The following CNTNAP4 variants were observed in gnomAD, a reference collection of about 807,000 sequenced individuals.
CNTNAP4 encodes contactin-associated protein-like 4.
In CNTNAP4, 98 loss-of-function variants were observed where a neutral mutation model predicts 148.4. The ratio of observed to expected loss-of-function variants is 0.66; its 90% CI spans 0.56 to 0.78. CNTNAP4 has a LOEUF of 0.78. Ranked by LOEUF, CNTNAP4 falls within the 30% of genes least tolerant of loss-of-function variation. The pLI is 0.00. For synonymous variants in CNTNAP4, 730 were observed against 565.1 expected (o/e 1.29, Z -4.14); for missense variants, 1,935 against 1,565.6 (o/e 1.24, Z -3.98).
intron 2 of CNTNAP4, among the ~76,000 whole-genome samples, chr16:76,337,309 A>G (rs1001216462): frequency 1.3e-5 from 2 of 152,056 alleles, no homozygotes; most frequent in South Asian, 2.1e-4. Flanking sequence ...GTTCTTTTCT[A>G]TTTTCCCTAA....
At chr16:76,445,705 C>T (rs955314340) in intron 4 of CNTNAP4, among the ~76,000 whole-genome samples, 4 of 151,996 alleles carry the variant, frequency 2.6e-5, no homozygotes, top group Non-Finnish European at 4.4e-5. Context: ...AAAAAAAGTA[C>T]TAGTAGCTAA....
At chr16:76,300,402 G>T (rs188761481) in intron 1 of CNTNAP4, among the ~76,000 whole-genome samples, 2 of 152,194 alleles carry the variant, frequency 1.3e-5, no homozygotes, top group African/African-American at 4.8e-5. Context: ...GGCCTGTCGG[G>T]GTTGGGGTCT....
chr16:76,472,024 T>C (rs2081395006), intron 10 of CNTNAP4, among the ~76,000 whole-genome samples: 1 of 152,154 alleles, frequency 6.6e-6, no homozygotes, highest in African/African-American at 2.4e-5. Context: ...ATCAAAATCT[T>C]ACTATCACTT....
intron 19 of CNTNAP4, among the ~76,000 whole-genome samples, chr16:76,539,393 C>T (rs2084352935): frequency 1.3e-5 from 2 of 151,810 alleles, no homozygotes; most frequent in South Asian, 4.2e-4. Flanking sequence ...CAATATTAAG[C>T]AATAGGTTGG....
At chr16:76,410,697 A>T (rs182445466) in intron 3 of CNTNAP4, among the ~76,000 whole-genome samples, 2 of 151,808 alleles carry the variant, frequency 1.3e-5, no homozygotes, top group Admixed American at 1.3e-4. Context: ...TGAAACTTTA[A>T]TTATGTGACT....
intron 21 of CNTNAP4, among the ~76,000 whole-genome samples, chr16:76,546,525 A>G (rs1312551893): frequency 1.3e-5 from 2 of 152,142 alleles, no homozygotes; most frequent in Non-Finnish European, 2.9e-5. Context: ...ACCAACTCCC[A>G]TCACCCCCAG....
At chr16:76,321,837 A>C (rs1314024563) in intron 2 of CNTNAP4, among the ~76,000 whole-genome samples, 2 of 151,610 alleles carry the variant, frequency 1.3e-5, no homozygotes, top group Non-Finnish European at 2.9e-5. Context: ...TTAAAATGAT[A>C]GTATTAATAT....
intron 4 of CNTNAP4, among the ~76,000 whole-genome samples, chr16:76,440,041 T>C (rs201584865): frequency 4.4e-5 from 1 of 22,652 alleles, no homozygotes; most frequent in East Asian, 1.1e-3. Flanking sequence ...GGACCTCTGT[T>C]TGTTTAGTAA....
rs1267296357 is a variant in CNTNAP4, at chr16:76,508,997, C to T, written c.2365+10303C>T. Among the ~76,000 whole-genome samples the T allele has an allele frequency of 9.4e-5, 9 of 96,128 alleles. 1 individual carries two copies. The highest frequency in any genetic ancestry group is 2.3e-4 in the African/African-American group (9 of 38,366). 63.1% of individuals were successfully genotyped at this position (96,128 alleles called of 152,430 possible). On this transcript the variant is annotated intron_variant, in intron 15 of 23. Transcript: ENST00000611870. ...CGATCTCCTGACCTTGTGATCCACC[C>T]GCCTTGGCCTCCCAAAGTGCTGGGA...
chr16:76,318,098 C>G (rs1017974491), intron 2 of CNTNAP4, among the ~76,000 whole-genome samples: 3 of 152,128 alleles, frequency 2.0e-5, no homozygotes, highest in Non-Finnish European at 2.9e-5. Context: ...ATGGCCATTC[C>G]AGGCCCTGTA....
intron 3 of CNTNAP4, among the ~76,000 whole-genome samples, chr16:76,374,732 G>A (rs1173237168): frequency 1.4e-5 from 2 of 145,412 alleles, no homozygotes; most frequent in Middle Eastern, 3.6e-3. Flanking sequence ...GTATATACTT[G>A]ACTATGACAC....
chr16:76,433,413 ACAT>A (rs945392946), intron 4 of CNTNAP4, among the ~76,000 whole-genome samples: 16 of 152,216 alleles, frequency 1.1e-4, no homozygotes, highest in African/African-American at 3.4e-4. Context: ...AATAAATTAA[ACAT>A]CAATCATTTT....
At chr16:76,511,815 A>G (rs1208862673) in intron 15 of CNTNAP4, among the ~76,000 whole-genome samples, 1 of 146,158 alleles carries the variant, frequency 6.8e-6, no homozygotes, top group Non-Finnish European at 1.5e-5. Flanking sequence ...AAATATCGGT[A>G]TTCTTGGAGC....
chr16:76,361,222 G>T (rs1231351260), intron 3 of CNTNAP4, among the ~76,000 whole-genome samples: 1 of 152,156 alleles, frequency 6.6e-6, no homozygotes, highest in Non-Finnish European at 1.5e-5. Context: ...TAAGCACAGT[G>T]TTGTAAGGCA....
At chr16:76,474,634 G>A (rs187440244) in intron 10 of CNTNAP4, among the ~76,000 whole-genome samples, 1 of 152,206 alleles carries the variant, frequency 6.6e-6, no homozygotes, top group East Asian at 1.9e-4. Context: ...ATGAATGAGG[G>A]CATTTAAAGT....
At chr16:76,318,750 T>C (rs1334110644) in intron 2 of CNTNAP4, among the ~76,000 whole-genome samples, 2 of 133,392 alleles carry the variant, frequency 1.5e-5, no homozygotes, top group Admixed American at 7.3e-5. Context: ...ATAATAATCA[T>C]AATAATATTC....
chr16:76,396,581 A>G (rs967397224), intron 3 of CNTNAP4, among the ~76,000 whole-genome samples: 2 of 152,194 alleles, frequency 1.3e-5, no homozygotes, highest in African/African-American at 2.4e-5. Context: ...GTTTTGTTCC[A>G]TTACAGTGGA....
chr16:76,432,169 G>A (rs1057342130), intron 4 of CNTNAP4, among the ~76,000 whole-genome samples: 1 of 152,110 alleles, frequency 6.6e-6, no homozygotes, highest in African/African-American at 2.4e-5. Context: ...TTTTTAGGTG[G>A]AATAAATATT....
At chr16:76,402,314 G>A (rs578137956) in intron 3 of CNTNAP4, among the ~76,000 whole-genome samples, 13 of 151,726 alleles carry the variant, frequency 8.6e-5, no homozygotes, top group Admixed American at 2.6e-4. Context: ...TCTAGTTTGC[G>A]TATGTAGAGG....
Sources: allele counts gnomAD v4.1 joint callset (sites outside exome capture counted in the v4.1 genomes callset), GRCh38; gene constraint gnomAD v4.1.1; transcripts MANE v1.5; gene names NCBI Gene and HGNC (gene_info 2026-07-23, HGNC 2026-07-21).